The following LBHD2 variants were observed in gnomAD, a reference collection of about 807,000 sequenced individuals.
LBHD2 encodes LBH domain containing 2.
At chr14:103,085,453 TGCAGGG>T (rs1889620492) in intron 1 of LBHD2, among the ~76,000 whole-genome samples, 1 of 47,130 alleles carries the variant, frequency 2.1e-5, no homozygotes, top group Non-Finnish European at 4.7e-5. Flanking sequence ...TGCGGCCAAG[TGCAGGG>T]GCAGGACTTC....
At chr14:103,087,863 C>T (rs543897351) in intron 2 of LBHD2, among the ~76,000 whole-genome samples, 13 of 152,282 alleles carry the variant, frequency 8.5e-5, no homozygotes, top group African/African-American at 3.1e-4. Flanking sequence ...AGAGCTGTGA[C>T]CCCAGGGGCT....
intron 2 of LBHD2, among the ~76,000 whole-genome samples, chr14:103,086,615 A>G (rs1357116800): frequency 6.6e-6 from 1 of 152,146 alleles, no homozygotes; most frequent in Admixed American, 6.5e-5. Flanking sequence ...GATTGTCCCC[A>G]AGGCACGCTT....
Position 103,086,087 on chromosome 14 carries a change from C to A in LBHD2, c.69+6C>A. 1 of 389,880 alleles carries A rather than the reference C, an allele frequency of 2.6e-6. No homozygotes were observed. The highest frequency in any genetic ancestry group is 4.5e-6 in the Non-Finnish European group (1 of 221,248). The allele number at this position is 389,880 out of a possible 1,614,324, so 24.2% of individuals were successfully genotyped here. On this transcript the variant is annotated splice_donor_region_variant and intron_variant, in intron 2 of 3. Transcript: ENST00000634353. The stretch of plus-strand genomic sequence containing the variant: ...CTGGAGGCCCAGAAGGGAAGGTATG[C>A]GCTCGGGACCCTGGGGGGGTCGGGA...
At chr14:103,085,724 A>G (rs999519548) in intron 1 of LBHD2, among the ~76,000 whole-genome samples, 2 of 152,196 alleles carry the variant, frequency 1.3e-5, no homozygotes, top group East Asian at 1.9e-4. Context: ...TCAGATCAGC[A>G]GACTTCTTCC....
intron 3 of LBHD2, among the ~76,000 whole-genome samples, chr14:103,089,234 G>A (rs1051475920): frequency 3.3e-5 from 5 of 152,082 alleles, no homozygotes; most frequent in African/African-American, 7.2e-5. Context: ...AGCTGGGGCC[G>A]CTCAGCACCT....
chr14:103,085,654 C>G (rs1889622785), intron 1 of LBHD2, among the ~76,000 whole-genome samples: 1 of 152,228 alleles, frequency 6.6e-6, no homozygotes, highest in South Asian at 2.1e-4. Flanking sequence ...CTATTCCTGT[C>G]TCAGAATGTG....
At chr14:103,086,205 CTTAT>C (rs1010591203) in intron 2 of LBHD2, 124 bp downstream of exon 2, 80 of 395,252 alleles carry the variant, frequency 2.0e-4, no homozygotes, top group Middle Eastern at 1.3e-3. Context: ...GAGATCATTG[CTTAT>C]TTATTTATTT....
At chr14:103,084,909 G>A (rs1015799602) in intron 1 of LBHD2, among the ~76,000 whole-genome samples, 1 of 152,144 alleles carries the variant, frequency 6.6e-6, no homozygotes, top group Non-Finnish European at 1.5e-5. Context: ...ATGGAGGGCC[G>A]GACCTGGGAG....
At chr14:103,088,271 G>A (rs906076993) in intron 3 of LBHD2, 30 bp downstream of exon 3, 2 of 398,846 alleles carry the variant, frequency 5.0e-6, no homozygotes, top group African/African-American at 4.1e-5. Flanking sequence ...GGGGTGCTGA[G>A]AGGAGGAAGT....
At chr14:103,084,582 G>A (rs1004060912) in intron 1 of LBHD2, among the ~76,000 whole-genome samples, 2 of 152,176 alleles carry the variant, frequency 1.3e-5, no homozygotes, top group Non-Finnish European at 2.9e-5. Context: ...CCCTGGCGCC[G>A]GGCAGGGCAA....
Position 103,090,011 on chromosome 14 carries a change from A to C in LBHD2, c.*214A>C. On this transcript the variant is annotated 3_prime_UTR_variant, in exon 4 of 4. Transcript: ENST00000634353. ...TTGTTCCGTGGTTTGAAGCAGAAATAAAGGCACTTCCTGGTGGCCAGTAGG... is the reference window on the plus strand; with the variant it reads ...TTGTTCCGTGGTTTGAAGCAGAAATCAAGGCACTTCCTGGTGGCCAGTAGG... The C allele has an allele frequency of 2.6e-6, 1 of 390,448 alleles. No individual in the cohort carries two copies. Among genetic ancestry groups the C allele is most frequent in the Non-Finnish European group, 4.5e-6 (1 of 221,140 alleles). 24.2% of individuals were successfully genotyped at this position (390,448 alleles called of 1,614,324 possible). A position where few individuals can be genotyped will look rare whatever the true frequency, so the allele number is the denominator to read the frequency against.
intron 1 of LBHD2, among the ~76,000 whole-genome samples, chr14:103,085,649 C>A (rs1566940059): frequency 6.6e-6 from 1 of 152,226 alleles, no homozygotes; most frequent in South Asian, 2.1e-4. Flanking sequence ...CTGCACTATT[C>A]CTGTCTCAGA....
intron 2 of LBHD2, among the ~76,000 whole-genome samples, chr14:103,086,903 G>T (rs1889642616): frequency 6.6e-6 from 1 of 152,178 alleles, no homozygotes; most frequent in Admixed American, 6.5e-5. Flanking sequence ...GTGGACAGAG[G>T]TGAGCACCAG....
intron 3 of LBHD2, 67 bp from the exon 4 acceptor site, chr14:103,089,630 G>C (rs1004841101): frequency 5.0e-6 from 2 of 398,288 alleles, no homozygotes; most frequent in Admixed American, 8.8e-5. Context: ...CTCATTTCGG[G>C]CCCCTGGGAT....
intron 1 of LBHD2, among the ~76,000 whole-genome samples, chr14:103,084,611 G>C (rs1414004310): frequency 6.6e-6 from 1 of 152,192 alleles, no homozygotes; most frequent in African/African-American, 2.4e-5. Flanking sequence ...TTGGGCACTT[G>C]TTCCCTGCTT....
rs1033884926 is a variant in LBHD2, at chr14:103,085,366, G to T, written c.-37-610G>T. On this transcript the variant is annotated intron_variant, in intron 1 of 3. Transcript: ENST00000634353. ...AAGGGTCTGGCTGGTGCCAACTCCTGCCAGGGGCTCTCTTCCCAGAGCCCT... is the reference window on the plus strand; with the variant it reads ...AAGGGTCTGGCTGGTGCCAACTCCTTCCAGGGGCTCTCTTCCCAGAGCCCT... 6.6e-5 allele frequency among the ~76,000 whole-genome samples: 10 copies of T among 152,242 alleles called. No homozygotes were observed. The South Asian group carries it at 8.3e-4, about 13-fold the overall frequency.
intron 1 of LBHD2, among the ~76,000 whole-genome samples, chr14:103,085,116 T>C (rs1331277266): frequency 6.6e-6 from 1 of 152,164 alleles, no homozygotes; most frequent in Non-Finnish European, 1.5e-5. Flanking sequence ...AGCAGCCCTC[T>C]GCTTTGCTGG....
In LBHD2 at chr14:103,089,981, C is replaced by A. The variant is rs1352119099; in HGVS notation, c.*184C>A. 5 of 396,188 alleles carry A rather than the reference C, an allele frequency of 1.3e-5. No individual in the cohort carries two copies. Among genetic ancestry groups the A allele is most frequent in the Non-Finnish European group, 2.2e-5 (5 of 225,086 alleles). 24.5% of individuals were successfully genotyped at this position (396,188 alleles called of 1,614,324 possible). On this transcript the variant is annotated 3_prime_UTR_variant, in exon 4 of 4. Transcript: ENST00000634353. Reference sequence around the variant, plus strand: ...CCATGGCCCAGGTCTGGATCACACCCCGCTTTGTTCCGTGGTTTGAAGCAG... The same window carrying A: ...CCATGGCCCAGGTCTGGATCACACCACGCTTTGTTCCGTGGTTTGAAGCAG...
At chr14:103,089,618 C>G (rs1044933351) in intron 3 of LBHD2, 79 bp from the exon 4 acceptor site, 2 of 398,124 alleles carry the variant, frequency 5.0e-6, no homozygotes, top group Non-Finnish European at 8.9e-6. Context: ...GCCTGCCAAA[C>G]GCTCATTTCG....
Sources: gnomAD v4.1 joint callset for allele counts (sites outside exome capture counted in the v4.1 genomes callset) on GRCh38, gnomAD v4.1.1 for gene constraint, MANE v1.5 for transcripts, NCBI Gene and HGNC (gene_info 2026-07-23, HGNC 2026-07-21) for gene names.